Variants in CFAP96 observed in about 807,000 individuals in gnomAD.
CFAP96 encodes cilia-and flagella-associated protein 96.
the CFAP96 span, among the ~76,000 whole-genome samples, chr4:185,446,159 T>C: frequency 6.6e-6 from 1 of 152,232 alleles, no homozygotes; most frequent in Non-Finnish European, 1.5e-5. Flanking sequence ...TATTTCTGAT[T>C]GACTACTTGT....
the CFAP96 span, among the ~76,000 whole-genome samples, chr4:185,447,105 T>C: frequency 6.6e-6 from 1 of 152,246 alleles, no homozygotes; most frequent in Non-Finnish European, 1.5e-5. Context: ...GTCTTTTATG[T>C]GTTATAGTCA....
At chr4:185,418,378 A>T in the CFAP96 span, 2 of 1,238,126 alleles carry the variant, frequency 1.6e-6, no homozygotes, top group South Asian at 2.7e-5. Context: ...CTAAGATTGC[A>T]CTCAGTTCCA....
At chr4:185,416,622 A>G in the CFAP96 span, among the ~76,000 whole-genome samples, 1 of 152,134 alleles carries the variant, frequency 6.6e-6, no homozygotes, top group African/African-American at 2.4e-5. Flanking sequence ...GTGTGTGGAT[A>G]GTATAAAAGT....
the CFAP96 span, among the ~76,000 whole-genome samples, chr4:185,417,896 T>G: frequency 6.6e-6 from 1 of 151,940 alleles, no homozygotes; most frequent in African/African-American, 2.4e-5. Flanking sequence ...ATACAAAAAT[T>G]AGCTGGGCAT....
the CFAP96 span, chr4:185,435,899 GTGAC>G: frequency 1.7e-3 from 1,000 of 584,214 alleles, 9 homozygotes; most frequent in African/African-American, 0.018. Context: ...GTCAAAATCT[GTGAC>G]TGAAGAATGA....
At chr4:185,445,407 T>G in the CFAP96 span, 1 of 907,992 alleles carries the variant, frequency 1.1e-6, no homozygotes, top group East Asian at 2.4e-5. Flanking sequence ...TCATTATGAG[T>G]CATTTGAGAT....
At chr4:185,427,977 T>G in the CFAP96 span, among the ~76,000 whole-genome samples, 1 of 135,680 alleles carries the variant, frequency 7.4e-6, no homozygotes, top group Non-Finnish European at 1.7e-5. Context: ...TCCCAGCTAC[T>G]TGGGAGGCTG....
the CFAP96 span, among the ~76,000 whole-genome samples, chr4:185,410,541 G>C: frequency 6.6e-6 from 1 of 151,996 alleles, no homozygotes. Flanking sequence ...CTAGCTACTG[G>C]GGAGGCTGAG....
chr4:185,438,756 T>A, the CFAP96 span, among the ~76,000 whole-genome samples: 4 of 152,174 alleles, frequency 2.6e-5, no homozygotes, highest in African/African-American at 9.7e-5. Context: ...GCATTTAAGA[T>A]TTGTTAGGTG....
chr4:185,419,492 A>G, the CFAP96 span, among the ~76,000 whole-genome samples: 1 of 152,214 alleles, frequency 6.6e-6, no homozygotes, highest in Admixed American at 6.5e-5. Context: ...CTGGAACACA[A>G]TATCCAAGTT....
chr4:185,425,992 A>T, the CFAP96 span: 3 of 1,129,844 alleles, frequency 2.7e-6, no homozygotes, highest in Non-Finnish European at 3.9e-6. Context: ...AACTCCCGAC[A>T]TGCTCGGCGG....
chr4:185,414,060 C>T, the CFAP96 span, among the ~76,000 whole-genome samples: 1 of 152,038 alleles, frequency 6.6e-6, no homozygotes, highest in South Asian at 2.1e-4. Flanking sequence ...GATTTATTTT[C>T]GTTTACGTCT....
the CFAP96 span, among the ~76,000 whole-genome samples, chr4:185,439,958 T>G: frequency 6.8e-6 from 1 of 146,920 alleles, no homozygotes; most frequent in Admixed American, 6.9e-5. Flanking sequence ...ATATATGATA[T>G]ATACATATAT....
At chr4:185,448,280 C>T in the CFAP96 span, among the ~76,000 whole-genome samples, 4 of 152,198 alleles carry the variant, frequency 2.6e-5, no homozygotes, top group African/African-American at 9.7e-5. Context: ...CTCAGCCTCC[C>T]AAAGTGCTGG....
chr4:185,446,330 A>C, the CFAP96 span, among the ~76,000 whole-genome samples: 1 of 152,228 alleles, frequency 6.6e-6, no homozygotes, highest in Admixed American at 6.5e-5. Flanking sequence ...AAGACTTCAT[A>C]GTAAGTTGAT....
the CFAP96 span, among the ~76,000 whole-genome samples, chr4:185,418,047 A>AACACACACACACACACAC: frequency 0.51 from 73,311 of 142,724 alleles, 19,654 homozygotes; most frequent in East Asian, 0.79. Context: ...TCCATCTCAA[A>AACACACACACACACACAC]ACACACACAC....
chr4:185,433,674 G>A, the CFAP96 span, among the ~76,000 whole-genome samples: 1 of 152,138 alleles, frequency 6.6e-6, no homozygotes, highest in Non-Finnish European at 1.5e-5. Flanking sequence ...GGCCGAGGCG[G>A]GCGGATCACC....
the CFAP96 span, among the ~76,000 whole-genome samples, chr4:185,436,749 C>A: frequency 0.011 from 919 of 84,090 alleles, 12 homozygotes; most frequent in African/African-American, 0.032. Flanking sequence ...TAATAATTCA[C>A]TTGAGATCTA....
At chr4:185,442,059 G>C in the CFAP96 span, among the ~76,000 whole-genome samples, 1 of 151,922 alleles carries the variant, frequency 6.6e-6, no homozygotes, top group African/African-American at 2.4e-5. Context: ...TTATGTTTCT[G>C]AGTTTTCATT....
Sources: gnomAD v4.1 joint callset for allele counts (sites outside exome capture counted in the v4.1 genomes callset) on GRCh38, gnomAD v4.1.1 for gene constraint, MANE v1.5 for transcripts, NCBI Gene and HGNC (gene_info 2026-07-23, HGNC 2026-07-21) for gene names.